SOAT1: variants seen among roughly 807,000 people sequenced by gnomAD.
SOAT1 encodes the protein acyl-coenzyme A:cholesterol acyltransferase 1.
A neutral mutation model predicts 69.5 loss-of-function variants in SOAT1; 55 were observed. That is an observed-to-expected ratio of 0.79 (90% CI 0.64 to 0.99). The LOEUF (loss-of-function observed/expected upper bound fraction) is 0.99. Ranked by LOEUF, SOAT1 falls within the 50% of genes least tolerant of loss-of-function variation. The pLI, the probability that SOAT1 is intolerant of heterozygous loss-of-function variation, is 0.00. For missense variants in SOAT1, 580 were observed against 669.3 expected (o/e 0.87, Z 1.47); for synonymous variants, 231 against 224.7 (o/e 1.03, Z -0.25).
rs554522623 is a variant in SOAT1 at position 179,316,554 on chromosome 1, G to A, written c.119-6883G>A. On this transcript the variant is annotated intron_variant, in intron 2 of 15. Transcript: ENST00000367619. ...TGGGATTACAGGCATGTGCCACCAC[G>A]CCAGCTAATTTTGTATTTTTAGTAG... Among the ~76,000 whole-genome samples the A allele has an allele frequency of 7.9e-5, 12 of 152,138 alleles. No individual in the cohort carries two copies. In the East Asian group the frequency reaches 2.1e-3, roughly 27 times the overall value.
chr1:179,344,813 T>C (rs1047715050), intron 10 of SOAT1, 134 bp from the exon 11 acceptor site: 2 of 768,732 alleles, frequency 2.6e-6, no homozygotes, highest in East Asian at 2.5e-5. Context: ...CAGTCTTCTA[T>C]ACTAGTGTTA....
At chr1:179,304,891 G>T (rs1353453808) in intron 2 of SOAT1, among the ~76,000 whole-genome samples, 1 of 151,712 alleles carries the variant, frequency 6.6e-6, no homozygotes, top group African/African-American at 2.4e-5. Context: ...TGATTTGGTT[G>T]CCCCGACCTC....
chr1:179,340,531 A>G (rs1187728235), intron 6 of SOAT1, among the ~76,000 whole-genome samples: 1 of 152,214 alleles, frequency 6.6e-6, no homozygotes. Context: ...ACAGCGTGGT[A>G]ATCATGGATT....
At chr1:179,318,109 C>T (rs190865473) in intron 2 of SOAT1, among the ~76,000 whole-genome samples, 2 of 151,960 alleles carry the variant, frequency 1.3e-5, no homozygotes, top group Non-Finnish European at 2.9e-5. Context: ...GCAGGAGGAT[C>T]ACTTGAGATC....
intron 11 of SOAT1, 37 bp downstream of exon 11, chr1:179,345,113 T>A: frequency 3.1e-6 from 5 of 1,608,440 alleles, no homozygotes; most frequent in Non-Finnish European, 4.3e-6. Context: ...CATGCATAAA[T>A]TCACGAGGTA....
chr1:179,342,747 T>C lies in SOAT1; in HGVS notation c.860-115T>C, dbSNP rs1413464564. 7.3e-6 allele frequency: 5 copies of C among 685,936 alleles called. No homozygotes were observed. The East Asian group carries it at 1.0e-4, about 14-fold the overall frequency. The allele number at this position is 685,936 out of a possible 1,614,324, so 42.5% of individuals were successfully genotyped here. A position where few individuals can be genotyped will look rare whatever the true frequency, so the allele number is the denominator to read the frequency against. The stretch of plus-strand genomic sequence containing the variant: ...TTCCGGAGATCAGGAAAAAAGAACA[T>C]GAGCTGATAAGTCATTTTATTCTTC... On this transcript the variant is annotated intron_variant, in intron 8 of 15. Transcript: ENST00000367619.
chr1:179,300,751 A>G (rs1664806735), intron 1 of SOAT1, among the ~76,000 whole-genome samples: 1 of 152,082 alleles, frequency 6.6e-6, no homozygotes, highest in Non-Finnish European at 1.5e-5. Flanking sequence ...CTTGCTTTAG[A>G]CTCTTGAAAA....
chr1:179,310,447 T>C (rs1277067719), intron 2 of SOAT1, among the ~76,000 whole-genome samples: 1 of 152,192 alleles, frequency 6.6e-6, no homozygotes, highest in Non-Finnish European at 1.5e-5. Context: ...CTAATCCACG[T>C]TTCTGGCTCA....
At chr1:179,340,841 ATT>A (rs896364324) in intron 6 of SOAT1, among the ~76,000 whole-genome samples, 185 bp from the exon 7 acceptor site, 30 of 141,802 alleles carry the variant, frequency 2.1e-4, no homozygotes, top group South Asian at 4.5e-4. Context: ...ATATATATAT[ATT>A]GTAAAGCAGA....
chr1:179,342,960 C>T lies in SOAT1; in HGVS notation c.941+17C>T. 6.2e-7 allele frequency: 1 copy of T among 1,602,960 alleles called. No homozygotes were observed. The highest frequency in any genetic ancestry group is 8.5e-7 in the Non-Finnish European group (1 of 1,170,212). On this transcript the variant is annotated intron_variant, in intron 9 of 15. Coordinates refer to ENST00000367619, the MANE Select transcript of SOAT1 (RefSeq NM_003101.6). The stretch of plus-strand genomic sequence containing the variant: ...CTATCCCAGGTAATGGTACTGTGAA[C>T]CAGAAATGTGGTAAACACCAAAAGT...
At chr1:179,329,592 A>T (rs1332255483) in intron 3 of SOAT1, among the ~76,000 whole-genome samples, 1 of 151,718 alleles carries the variant, frequency 6.6e-6, no homozygotes, top group East Asian at 1.9e-4. Context: ...CTGGTGGTAT[A>T]CACCTGTAGT....
intron 4 of SOAT1, 51 bp downstream of exon 4, chr1:179,335,708 A>G: frequency 2.0e-6 from 3 of 1,487,866 alleles, no homozygotes; most frequent in Non-Finnish European, 2.7e-6. Flanking sequence ...AGTATAGTTC[A>G]ATGGTGAAAA....
Position 179,353,573 on chromosome 1 carries a change from T to A in SOAT1, c.1597-12T>A, listed in dbSNP as rs751721644. 22 of 1,611,748 alleles carry A rather than the reference T, an allele frequency of 1.4e-5. No homozygotes were observed. Among genetic ancestry groups the A allele is most frequent in the Non-Finnish European group, 1.7e-5 (20 of 1,178,038 alleles). ...CAAATTATTTTTCCATTCTTATTTT[T>A]CCCCACTGCAGCCCACATTTTTGGA... On this transcript the variant is annotated splice_polypyrimidine_tract_variant and intron_variant, in intron 15 of 15. Coordinates refer to ENST00000367619, the MANE Select transcript of SOAT1 (RefSeq NM_003101.6).
intron 2 of SOAT1, among the ~76,000 whole-genome samples, chr1:179,321,107 A>G (rs1356202496): frequency 1.3e-5 from 2 of 151,988 alleles, no homozygotes; most frequent in Non-Finnish European, 2.9e-5. Flanking sequence ...GGGTTTTGCC[A>G]TGTTGACCAG....
chr1:179,344,505 G>A (rs1047664616), intron 10 of SOAT1, among the ~76,000 whole-genome samples: 5 of 151,800 alleles, frequency 3.3e-5, no homozygotes. Flanking sequence ...CTCCTGAGTA[G>A]CTGGGATTAC....
At chr1:179,330,402 T>C (rs1398851492) in intron 3 of SOAT1, among the ~76,000 whole-genome samples, 1 of 152,012 alleles carries the variant, frequency 6.6e-6, no homozygotes, top group Non-Finnish European at 1.5e-5. Flanking sequence ...ATAGGAGCGG[T>C]TGGGGAAGTC....
At chr1:179,304,483 G>A (rs1664938799) in intron 2 of SOAT1, among the ~76,000 whole-genome samples, 2 of 151,772 alleles carry the variant, frequency 1.3e-5, no homozygotes, top group African/African-American at 4.8e-5. Flanking sequence ...TTACTATGTT[G>A]GTCAGGCTGG....
At chr1:179,303,806 T>G (rs1254595196) in intron 2 of SOAT1, among the ~76,000 whole-genome samples, 2 of 152,218 alleles carry the variant, frequency 1.3e-5, no homozygotes, top group Admixed American at 1.3e-4. Flanking sequence ...GAATTCTCCT[T>G]CCGTGATTTA....
chr1:179,322,682 A>G (rs1665643356), intron 2 of SOAT1, among the ~76,000 whole-genome samples: 1 of 152,186 alleles, frequency 6.6e-6, no homozygotes, highest in African/African-American at 2.4e-5. Context: ...TTCAGACCAC[A>G]TAGATAGTGT....
Sources: allele counts gnomAD v4.1 joint callset (sites outside exome capture counted in the v4.1 genomes callset), GRCh38; gene constraint gnomAD v4.1.1; transcripts MANE v1.5; gene names NCBI Gene and HGNC (gene_info 2026-07-23, HGNC 2026-07-21).